The following SORCS2 variants were observed in gnomAD, a reference collection of about 807,000 sequenced individuals.
The protein encoded by SORCS2 is VPS10 domain-containing receptor SorCS2.
In SORCS2, 100 loss-of-function variants were observed where a neutral mutation model predicts 141.6. The observed-to-expected ratio is 0.71, with a 90% CI of 0.60 to 0.83. SORCS2 has a LOEUF of 0.83. Among genes scored for constraint, SORCS2 ranks in the 40% least tolerant of loss-of-function variants. The pLI is 0.00. For missense variants in SORCS2, 1,646 were observed against 1,560.2 expected (o/e 1.05, Z -0.93); for synonymous variants, 789 against 676.9 (o/e 1.17, Z -2.57).
rs576513370 is a variant in SORCS2 at position 7,295,392 on chromosome 4, G to A, written c.481-100896G>A. Among the ~76,000 whole-genome samples, 5 of 151,930 alleles carry A rather than the reference G, an allele frequency of 3.3e-5. No homozygotes were observed. In the East Asian group the frequency reaches 6.0e-4, roughly 18 times the overall value. On this transcript the variant is annotated intron_variant, in intron 1 of 26. Coordinates refer to ENST00000507866, the MANE Select transcript of SORCS2 (RefSeq NM_020777.3). ...GCACCCTGAGCTCTGCCGGCCGGCCGGGTGCGTTGCTACTGGGCTTTGTCC... is the reference window on the plus strand; with the variant it reads ...GCACCCTGAGCTCTGCCGGCCGGCCAGGTGCGTTGCTACTGGGCTTTGTCC...
At chr4:7,624,090 C>T (rs1036371081) in intron 3 of SORCS2, among the ~76,000 whole-genome samples, 2 of 152,204 alleles carry the variant, frequency 1.3e-5, no homozygotes, top group African/African-American at 4.8e-5. Flanking sequence ...GCCCGGCATA[C>T]AGAAGTGCTC....
chr4:7,265,955 C>T (rs1714695254), intron 1 of SORCS2, among the ~76,000 whole-genome samples: 1 of 152,184 alleles, frequency 6.6e-6, no homozygotes, highest in South Asian at 2.1e-4. Context: ...AAAACAGCCT[C>T]CGGCTCATCC....
chr4:7,710,276 C>T (rs527827591), intron 14 of SORCS2, among the ~76,000 whole-genome samples: 2 of 152,308 alleles, frequency 1.3e-5, no homozygotes, highest in South Asian at 4.1e-4. Context: ...AGGAGGTGGC[C>T]TGAAGCTGTG....
At chr4:7,211,660 A>C (rs1032575776) in intron 1 of SORCS2, among the ~76,000 whole-genome samples, 10 of 152,194 alleles carry the variant, frequency 6.6e-5, no homozygotes, top group Non-Finnish European at 1.5e-4. Flanking sequence ...GGTGTGAGCC[A>C]CCATGTCCGG....
intron 3 of SORCS2, among the ~76,000 whole-genome samples, chr4:7,636,232 CCTTTGGGACTTG>C (rs1052099528): frequency 8.7e-5 from 7 of 80,598 alleles, no homozygotes; most frequent in East Asian, 2.5e-3. Context: ...AGGGAGACTT[CCTTTGGGACTTG>C]CTTTGGGTCC....
At chr4:7,604,234 A>C (rs1717915085) in intron 3 of SORCS2, among the ~76,000 whole-genome samples, 1 of 152,032 alleles carries the variant, frequency 6.6e-6, no homozygotes, top group Non-Finnish European at 1.5e-5. Context: ...TGAGGGAGGG[A>C]AGTGAGTGGA....
chr4:7,212,668 G>C (rs1371019003), intron 1 of SORCS2, among the ~76,000 whole-genome samples: 1 of 152,222 alleles, frequency 6.6e-6, no homozygotes, highest in East Asian at 1.9e-4. Context: ...CAGAGCTGAG[G>C]CCCCCTGGCC....
intron 1 of SORCS2, among the ~76,000 whole-genome samples, chr4:7,303,667 G>A (rs1245123188): frequency 6.6e-6 from 1 of 152,238 alleles, no homozygotes; most frequent in Non-Finnish European, 1.5e-5. Flanking sequence ...TATCTGTTGA[G>A]TTGGCGAGCT....
At chr4:7,493,951 T>G (rs1036891636) in intron 2 of SORCS2, among the ~76,000 whole-genome samples, 5 of 152,178 alleles carry the variant, frequency 3.3e-5, no homozygotes, top group Admixed American at 1.3e-4. Context: ...TTCCATCTGG[T>G]GCATTATGTT....
intron 3 of SORCS2, among the ~76,000 whole-genome samples, chr4:7,601,774 T>A (rs1198479986): frequency 2.6e-5 from 4 of 152,088 alleles, no homozygotes; most frequent in Non-Finnish European, 4.4e-5. Flanking sequence ...CAGATAAACA[T>A]GTGAACAAAG....
chr4:7,525,052 C>T (rs1034233962), intron 2 of SORCS2, among the ~76,000 whole-genome samples: 6 of 152,366 alleles, frequency 3.9e-5, no homozygotes, highest in Admixed American at 1.3e-4. Flanking sequence ...AGGCCGGGCA[C>T]GCCCACTGGG....
At chr4:7,668,804 T>G (rs907552095) in intron 8 of SORCS2, among the ~76,000 whole-genome samples, 1 of 152,046 alleles carries the variant, frequency 6.6e-6, no homozygotes, top group Non-Finnish European at 1.5e-5. Flanking sequence ...CCCTCGACCT[T>G]TGGGGGCTAC....
intron 2 of SORCS2, among the ~76,000 whole-genome samples, chr4:7,406,481 A>C (rs1331630717): frequency 2.0e-5 from 3 of 151,526 alleles, no homozygotes; most frequent in South Asian, 2.1e-4. Flanking sequence ...GTATGTGTCC[A>C]GGAATTTATC....
chr4:7,726,630 C>T lies in SORCS2; in HGVS notation c.2746-150C>T. ...TGCCCGCCCCATGCCTCCCTGGGTG[C>T]TGCCACCACAGGATGTCCATAATGG... is the stretch of plus-strand genomic sequence containing the variant. On this transcript the variant is annotated intron_variant, in intron 20 of 26. Transcript: ENST00000507866. 5.2e-6 allele frequency: 5 copies of T among 962,450 alleles called. No individual in the cohort carries two copies. In the South Asian group the frequency reaches 9.3e-5, roughly 18 times the overall value. The allele number at this position is 962,450 out of a possible 1,614,324, so 59.6% of individuals were successfully genotyped here.
intron 1 of SORCS2, among the ~76,000 whole-genome samples, chr4:7,264,648 G>T (rs1203047481): frequency 1.3e-5 from 2 of 152,236 alleles, no homozygotes; most frequent in African/African-American, 4.8e-5. Flanking sequence ...TCCTGTGATT[G>T]AAACTAGGCG....
intron 3 of SORCS2, among the ~76,000 whole-genome samples, chr4:7,594,737 A>T (rs1213822626): frequency 6.6e-6 from 1 of 152,026 alleles, no homozygotes; most frequent in Non-Finnish European, 1.5e-5. Flanking sequence ...GGTGTCTTGG[A>T]GTTCAACATC....
chr4:7,392,323 G>A lies in SORCS2; in HGVS notation c.481-3965G>A, dbSNP rs75940452. 3.6e-3 allele frequency among the ~76,000 whole-genome samples: 549 copies of A among 152,232 alleles called. 5 individuals carry two copies. Among genetic ancestry groups the A allele is most frequent in the African/African-American group, 0.013 (521 of 41,532 alleles). On this transcript the variant is annotated intron_variant, in intron 1 of 26. Coordinates refer to ENST00000507866, the MANE Select transcript of SORCS2 (RefSeq NM_020777.3). ...CCCACCCTTAGGTGTCAGGAGGAGC[G>A]GGTGATGGGCTCTGCGGGGAGCCCC...
chr4:7,350,232 CTCCCCACATGCAGGTGTTTG>C (rs1720859930), intron 1 of SORCS2, among the ~76,000 whole-genome samples: 3 of 152,224 alleles, frequency 2.0e-5, no homozygotes, highest in Non-Finnish European at 2.9e-5. Flanking sequence ...CAGGAAAGCA[CTCCCCACATGCAGGTGTTTG>C]CAGCAATGTT....
intron 12 of SORCS2, among the ~76,000 whole-genome samples, chr4:7,698,740 C>T (rs762357514): frequency 6.6e-6 from 1 of 152,208 alleles, no homozygotes; most frequent in Admixed American, 6.5e-5. Flanking sequence ...TGGTGCTTCC[C>T]GAAAGATGGC....
Sources: gnomAD v4.1 joint callset for allele counts (sites outside exome capture counted in the v4.1 genomes callset) on GRCh38, gnomAD v4.1.1 for gene constraint, MANE v1.5 for transcripts, NCBI Gene and HGNC (gene_info 2026-07-23, HGNC 2026-07-21) for gene names.